PPM1A: variants seen among roughly 807,000 people sequenced by gnomAD.
The protein encoded by PPM1A is protein phosphatase 1A.
Under a neutral mutation model 35.0 loss-of-function variants are expected in PPM1A, and 7 were observed. The ratio of observed to expected loss-of-function variants is 0.20; its 90% CI spans 0.11 to 0.38. The LOEUF (loss-of-function observed/expected upper bound fraction) is 0.38, where lower values mean the gene tolerates loss of function less well. Among genes scored for constraint, PPM1A ranks in the 10% least tolerant of loss-of-function variants. The probability of loss-of-function intolerance (pLI) is 1.00; values close to 1 mark genes in which losing one functional copy is unlikely to be tolerated. For synonymous variants in PPM1A, 153 were observed against 167.3 expected, an observed-to-expected ratio of 0.91 and a Z score of 0.66; for missense variants, 239 against 467.8, an observed-to-expected ratio of 0.51 and a Z score of 4.51.
rs924642385 is a variant in PPM1A at position 60,292,412 on chromosome 14, A to G, written c.1120-41A>G. ...AAGTATGGTGTATTTTGGCACCGCT[A>G]AATTTTAACGTTGTTCCTTATTTTG... is the stretch of plus-strand genomic sequence containing the variant. On this transcript the variant is annotated intron_variant, in intron 5 of 5. Coordinates refer to ENST00000395076, the MANE Select transcript of PPM1A (RefSeq NM_021003.5). This position sits in a 1 kb window ranked among gnomAD's most constrained non-coding sequence, Gnocchi z 4.2. 2 of 1,531,766 alleles carry G rather than the reference A, an allele frequency of 1.3e-6. No homozygotes were observed. The highest frequency in any genetic ancestry group is 1.4e-5 in the African/African-American group (1 of 73,002). The allele number at this position is 1,531,766 out of a possible 1,614,324, so 94.9% of individuals were successfully genotyped here. A position where few individuals can be genotyped will look rare whatever the true frequency, so the allele number is the denominator to read the frequency against.
In PPM1A at chr14:60,282,952, G is replaced by T; in HGVS notation, c.249G>T (p.Gln83His). The change falls in exon 2 of 6, where the codon CAG becomes CAT. Residue 83 changes from glutamine (Q) to histidine (H), a missense_variant. Transcript: ENST00000395076. This position sits in a 1 kb window ranked among gnomAD's most constrained non-coding sequence, Gnocchi z 5.1. ...EHLLDHITNN[Q>H]DFKGSAGAPS... is the part of the protein sequence containing the mutation. ...TGTTAGATCACATCACCAATAACCAGGATTTTAAAGGGTCTGCAGGAGCAC... is the reference window on the plus strand; with the variant it reads ...TGTTAGATCACATCACCAATAACCATGATTTTAAAGGGTCTGCAGGAGCAC... The T allele has an allele frequency of 1.2e-6, 2 of 1,614,122 alleles. No homozygotes were observed. Among genetic ancestry groups the T allele is most frequent in the Non-Finnish European group, 1.7e-6 (2 of 1,180,040 alleles).
Position 60,289,154 on chromosome 14 carries a change from TTTCTA to T in PPM1A, c.953-648_953-644del, listed in dbSNP as rs1277171597. On this transcript the variant is annotated intron_variant, in intron 3 of 5. Transcript: ENST00000395076. This position sits in a 1 kb window ranked among gnomAD's most constrained non-coding sequence, Gnocchi z 4.1. ...ACATTTTATAAGGAAATTTAGACCTTTTCTATTCAAGGCTTTGTTGAAGTAATCAG... is the reference window on the plus strand; with the variant it reads ...ACATTTTATAAGGAAATTTAGACCTTTTCAAGGCTTTGTTGAAGTAATCAG... Among the ~76,000 whole-genome samples, 1 of 152,112 alleles carries T rather than the reference TTTCTA, an allele frequency of 6.6e-6. No individual in the cohort carries two copies. The highest frequency in any genetic ancestry group is 2.4e-5 in the African/African-American group (1 of 41,448).
rs949218091 is a variant in PPM1A, at chr14:60,293,673, T to G, written c.*1191T>G. The G allele has an allele frequency of 7.3e-5, 11 of 150,964 alleles. No homozygotes were observed. Among genetic ancestry groups the G allele is most frequent in the Non-Finnish European group, 1.0e-4 (7 of 67,578 alleles). The allele number at this position is 150,964 out of a possible 1,614,324, so 9.4% of individuals were successfully genotyped here. A position where few individuals can be genotyped will look rare whatever the true frequency, so the allele number is the denominator to read the frequency against. ...ACAATCTAACACTCTATGGTAGGGGTGTGTGTGTGTGTGTTTGTGAGTGTG... is the reference window on the plus strand; with the variant it reads ...ACAATCTAACACTCTATGGTAGGGGGGTGTGTGTGTGTGTTTGTGAGTGTG... On this transcript the variant is annotated 3_prime_UTR_variant, in exon 6 of 6. Coordinates refer to ENST00000395076, the MANE Select transcript of PPM1A (RefSeq NM_021003.5). The surrounding 1 kb of genome is among the most constrained non-coding windows in gnomAD (Gnocchi z 4.0).
At chr14:60,265,827 A>G (rs547694229) in intron 1 of PPM1A, among the ~76,000 whole-genome samples, 1 of 152,324 alleles carries the variant, frequency 6.6e-6, no homozygotes, top group East Asian at 1.9e-4. Context: ...CACTCCTAAG[A>G]TAAGGGCATT....
rs1345775671 is a variant in PPM1A at position 60,291,254 on chromosome 14, TCAC to T, written c.1062-142_1062-140del. Reference sequence around the variant, plus strand: ...AGCCCAAATATCTTAAAAGTGAGGCTCACTATTGACAGCAAGAAATAGAACTAA... The same window carrying T: ...AGCCCAAATATCTTAAAAGTGAGGCTTATTGACAGCAAGAAATAGAACTAA... On this transcript the variant is annotated intron_variant, in intron 4 of 5. Transcript: ENST00000395076. 9 of 513,864 alleles carry T rather than the reference TCAC, an allele frequency of 1.8e-5. No homozygotes were observed. In the East Asian group the frequency reaches 3.1e-4, roughly 17 times the overall value. 31.8% of individuals were successfully genotyped at this position (513,864 alleles called of 1,614,324 possible).
At chr14:60,288,081 A>G in intron 3 of PPM1A, 1 of 982,352 alleles carries the variant, frequency 1.0e-6, no homozygotes, top group Non-Finnish European at 1.2e-6. Context: ...TTCTTTTTTG[A>G]AAGCAGACAG....
upstream of PPM1A, chr14:60,246,029 G>A: frequency 3.8e-6 from 6 of 1,573,066 alleles, no homozygotes; most frequent in Admixed American, 3.9e-5. Context: ...ATGTGTGAGA[G>A]AAAAAAATAT....
At chr14:60,270,088 T>C (rs1341198389) in intron 1 of PPM1A, among the ~76,000 whole-genome samples, 1 of 152,204 alleles carries the variant, frequency 6.6e-6, no homozygotes, top group African/African-American at 2.4e-5. Flanking sequence ...ATTGTTTGTA[T>C]CTTTTCTCAA....
intron 1 of PPM1A, among the ~76,000 whole-genome samples, chr14:60,264,596 GA>G (rs1358370587): frequency 3.4e-4 from 51 of 152,056 alleles, no homozygotes; most frequent in African/African-American, 1.2e-3. Flanking sequence ...GCTCCTCTTT[GA>G]AATACATTGT....
rs1485784765 is a variant in PPM1A, at chr14:60,294,416, G to C, written c.*1934G>C. On this transcript the variant is annotated 3_prime_UTR_variant, in exon 6 of 6. Coordinates refer to ENST00000395076, the MANE Select transcript of PPM1A (RefSeq NM_021003.5). ...CAATAAATACTTAATGTCTAAATCT[G>C]TGGTAGAGTGCGAAGTATGATAATG... is the stretch of plus-strand genomic sequence containing the variant. The C allele has an allele frequency of 6.6e-6, 1 of 151,870 alleles. No individual in the cohort carries two copies. The highest frequency in any genetic ancestry group is 1.9e-4 in the East Asian group (1 of 5,190). 9.4% of individuals were successfully genotyped at this position (151,870 alleles called of 1,614,324 possible).
At position 60,271,889 on chromosome 14, in the gene PPM1A, A is replaced by G. The variant is rs75982983; in HGVS notation, c.-20-10795A>G. 1.6e-4 allele frequency among the ~76,000 whole-genome samples: 24 copies of G among 152,204 alleles called. 1 individual carries two copies. The East Asian group carries it at 4.2e-3, about 27-fold the overall frequency. On this transcript the variant is annotated intron_variant, in intron 1 of 5. Transcript: ENST00000395076. ...CTTTAGTCTTCTCATGTAACATTTT[A>G]TACATTTCTCAGAACAAGGTAATTG...
At chr14:60,281,528 T>C (rs964376711) in intron 1 of PPM1A, among the ~76,000 whole-genome samples, 1 of 152,226 alleles carries the variant, frequency 6.6e-6, no homozygotes, top group East Asian at 1.9e-4. Context: ...TAGATACTTT[T>C]CTCCACCATT....
At chr14:60,254,864 A>T (rs1371894667) in intron 1 of PPM1A, among the ~76,000 whole-genome samples, 1 of 152,168 alleles carries the variant, frequency 6.6e-6, no homozygotes, top group Admixed American at 6.5e-5. Flanking sequence ...AAAGTTCAGA[A>T]TTCTTGGTTT....
chr14:60,247,627 CAAAAAA>C (rs58749853), upstream of PPM1A, among the ~76,000 whole-genome samples: 68 of 50,164 alleles, frequency 1.4e-3, 1 homozygote, highest in East Asian at 0.019. Flanking sequence ...GACTCTGTCT[CAAAAAA>C]AAAAAAAAAA....
At chr14:60,263,450 G>C (rs1460068996) in intron 1 of PPM1A, among the ~76,000 whole-genome samples, 1 of 152,026 alleles carries the variant, frequency 6.6e-6, no homozygotes, top group Non-Finnish European at 1.5e-5. Flanking sequence ...CTTCAACTCA[G>C]TTGTCTAGTT....
intron 1 of PPM1A, among the ~76,000 whole-genome samples, chr14:60,275,638 C>A (rs1445667749): frequency 6.6e-6 from 1 of 152,022 alleles, no homozygotes; most frequent in Non-Finnish European, 1.5e-5. Flanking sequence ...AGGCATGCAC[C>A]ACTATGCCCC....
chr14:60,268,334 T>A lies in PPM1A; in HGVS notation c.-20-14350T>A, dbSNP rs898316072. ...CTAGCACTAATTGAAAAAAAAAAAA[T>A]TTGTTTTCCGAGAACTGTTACTTTC... On this transcript the variant is annotated intron_variant, in intron 1 of 5. Coordinates refer to ENST00000395076, the MANE Select transcript of PPM1A (RefSeq NM_021003.5). The A allele has an allele frequency of 3.6e-5, 35 of 967,334 alleles. No homozygotes were observed. The East Asian group carries it at 1.7e-3, about 48-fold the overall frequency. 59.9% of individuals were successfully genotyped at this position (967,334 alleles called of 1,614,324 possible). A position where few individuals can be genotyped will look rare whatever the true frequency, so the allele number is the denominator to read the frequency against.
Position 60,273,263 on chromosome 14 carries a change from T to C in PPM1A, c.-20-9421T>C, listed in dbSNP as rs1885373135. On this transcript the variant is annotated intron_variant, in intron 1 of 5. Transcript: ENST00000395076. This position sits in a 1 kb window ranked among gnomAD's most constrained non-coding sequence, Gnocchi z 4.3. ...ACTCAAAGGAGGCTCCTTTGAAGAATTGATGCTTGAGCTGAGATCTCAGGA... is the reference window on the plus strand; with the variant it reads ...ACTCAAAGGAGGCTCCTTTGAAGAACTGATGCTTGAGCTGAGATCTCAGGA... Among the ~76,000 whole-genome samples the C allele has an allele frequency of 6.6e-6, 1 of 152,194 alleles. No individual in the cohort carries two copies. Among genetic ancestry groups the C allele is most frequent in the African/African-American group, 2.4e-5 (1 of 41,442 alleles).
intron 1 of PPM1A, among the ~76,000 whole-genome samples, chr14:60,279,635 T>A (rs893416548): frequency 2.6e-5 from 4 of 152,172 alleles, no homozygotes; most frequent in African/African-American, 9.7e-5. Context: ...TTGAACCAAT[T>A]TAAACTCCTA....
Sources: allele counts gnomAD v4.1 joint callset (sites outside exome capture counted in the v4.1 genomes callset), GRCh38; gene constraint gnomAD v4.1.1; non-coding constraint Gnocchi (gnomAD v3.1); transcripts MANE v1.5; gene names NCBI Gene and HGNC (gene_info 2026-07-23, HGNC 2026-07-21).